The following PDE1C variants were observed in gnomAD, a reference collection of about 807,000 sequenced individuals.
The protein encoded by PDE1C is phosphodiesterase 1C.
Under a neutral mutation model 93.1 loss-of-function variants are expected in PDE1C, and 62 were observed. That is an observed-to-expected ratio of 0.67 (90% confidence interval 0.54 to 0.82). PDE1C has a LOEUF of 0.82. Among genes scored for constraint, PDE1C ranks in the 40% least tolerant of loss-of-function variants. PDE1C has a pLI of 0.00. For synonymous variants in PDE1C, 325 were observed against 310.1 expected (o/e 1.05, Z -0.50); for missense variants, 742 against 884.6 (o/e 0.84, Z 2.04).
At chr7:31,931,897 C>G (rs1804347914) in intron 2 of PDE1C, among the ~76,000 whole-genome samples, 2 of 152,116 alleles carry the variant, frequency 1.3e-5, no homozygotes, top group South Asian at 4.1e-4. Context: ...GAACGGAGGT[C>G]TCACAAATAA....
chr7:31,743,730 TA>T, the PDE1C span, among the ~76,000 whole-genome samples: 1 of 152,122 alleles, frequency 6.6e-6, no homozygotes, highest in East Asian at 1.9e-4. Flanking sequence ...AACAGCAACT[TA>T]AAGAAATAAT....
chr7:32,343,680 A>G (rs1405964210), intron 1 of PDE1C, among the ~76,000 whole-genome samples: 1 of 152,228 alleles, frequency 6.6e-6, no homozygotes, highest in South Asian at 2.1e-4. Context: ...ATTGTAACAT[A>G]GTTCCTCATT....
chr7:31,907,478 G>C (rs1800745101), intron 2 of PDE1C, among the ~76,000 whole-genome samples: 1 of 152,152 alleles, frequency 6.6e-6, no homozygotes, highest in Non-Finnish European at 1.5e-5. Context: ...AGGTTGTTCT[G>C]TCTGTGAGCA....
At chr7:32,057,371 A>G (rs765065149) in intron 1 of PDE1C, among the ~76,000 whole-genome samples, 2 of 152,226 alleles carry the variant, frequency 1.3e-5, no homozygotes, top group Non-Finnish European at 2.9e-5. Context: ...GGATTACCCA[A>G]GAAGTATTAA....
the PDE1C span, chr7:31,643,861 C>A: frequency 6.2e-7 from 1 of 1,613,940 alleles, no homozygotes; most frequent in Non-Finnish European, 8.5e-7. Flanking sequence ...AGTCTGTAGG[C>A]ACTGCCTGTG....
At chr7:32,209,519 T>C in exon 2 of PDE1C, 1 of 1,572,468 alleles carries the variant, frequency 6.4e-7, no homozygotes, top group Non-Finnish European at 8.6e-7. Flanking sequence ...CTGGCATTCT[T>C]GTCTCCAGCT....
chr7:31,649,066 G>T, the PDE1C span, among the ~76,000 whole-genome samples: 1 of 152,176 alleles, frequency 6.6e-6, no homozygotes, highest in East Asian at 1.9e-4. Flanking sequence ...CACTCACATT[G>T]ATGCAAGAGT....
chr7:32,365,481 C>T (rs186325503), intron 1 of PDE1C, among the ~76,000 whole-genome samples: 2 of 152,184 alleles, frequency 1.3e-5, no homozygotes, highest in African/African-American at 2.4e-5. Flanking sequence ...CATGGATTGT[C>T]CCTGGCAGAC....
chr7:31,872,729 T>G (rs1002533303), intron 6 of PDE1C, among the ~76,000 whole-genome samples: 3 of 152,004 alleles, frequency 2.0e-5, no homozygotes, highest in African/African-American at 7.2e-5. Flanking sequence ...ACCTCGAGAG[T>G]CTACAGTATT....
chr7:31,736,067 C>T, the PDE1C span, among the ~76,000 whole-genome samples: 4 of 152,114 alleles, frequency 2.6e-5, no homozygotes, highest in Non-Finnish European at 5.9e-5. Context: ...CCCAAATATT[C>T]TCAATCCATA....
intron 9 of PDE1C, among the ~76,000 whole-genome samples, chr7:31,838,442 A>G (rs1791393340): frequency 6.6e-6 from 1 of 152,194 alleles, no homozygotes. Flanking sequence ...ATGTTACCTC[A>G]CTTCCAGCAC....
chr7:32,181,759 C>T (rs36199612), intron 2 of PDE1C, among the ~76,000 whole-genome samples: 1 of 151,944 alleles, frequency 6.6e-6, no homozygotes, highest in Non-Finnish European at 1.5e-5. Context: ...CAAGAGCAAA[C>T]ATATTCAAAA....
chr7:32,217,059 A>G (rs140745698), intron 1 of PDE1C, among the ~76,000 whole-genome samples: 141 of 152,340 alleles, frequency 9.3e-4, no homozygotes, highest in African/African-American at 3.2e-3. Flanking sequence ...ACTCACAGCA[A>G]TAGGATCCAG....
chr7:31,926,135 A>C (rs1036442708), intron 2 of PDE1C, among the ~76,000 whole-genome samples: 5 of 152,112 alleles, frequency 3.3e-5, no homozygotes, highest in African/African-American at 1.2e-4. Flanking sequence ...ACGTCTGTAC[A>C]TACACACACA....
chr7:32,114,370 G>C (rs908042055), intron 3 of PDE1C, among the ~76,000 whole-genome samples: 26 of 152,256 alleles, frequency 1.7e-4, no homozygotes, highest in Admixed American at 4.6e-4. Context: ...AAGCAATGGG[G>C]AAAGGATCTC....
intron 17 of PDE1C, among the ~76,000 whole-genome samples, chr7:31,757,407 T>G (rs1258822111): frequency 6.6e-6 from 1 of 152,208 alleles, no homozygotes; most frequent in African/African-American, 2.4e-5. Flanking sequence ...TAGTAAACAT[T>G]TCTTCTATAG....
chr7:32,387,837 GCGGCTGGCCGGGC>G (rs1161691400), intron 1 of PDE1C, among the ~76,000 whole-genome samples: 6 of 119,836 alleles, frequency 5.0e-5, no homozygotes, highest in East Asian at 4.1e-4. Context: ...CCAGGACGGG[GCGGCTGGCCGGGC>G]AGGGGGCTGA....
At chr7:31,697,449 G>C in the PDE1C span, among the ~76,000 whole-genome samples, 10 of 152,146 alleles carry the variant, frequency 6.6e-5, no homozygotes, top group Non-Finnish European at 1.0e-4. Context: ...CGGATTTTGC[G>C]TCTTATGGCT....
chr7:31,757,664 T>A (rs562187006), intron 17 of PDE1C, among the ~76,000 whole-genome samples: 2 of 152,210 alleles, frequency 1.3e-5, no homozygotes, highest in Non-Finnish European at 1.5e-5. Flanking sequence ...CTGGAGAGGA[T>A]ATGGAGAAAT....
Sources: gnomAD v4.1 joint callset for allele counts (sites outside exome capture counted in the v4.1 genomes callset) on GRCh38, gnomAD v4.1.1 for gene constraint, MANE v1.5 for transcripts, NCBI Gene and HGNC (gene_info 2026-07-23, HGNC 2026-07-21) for gene names.